The following KCNIP4 variants were observed in gnomAD, a reference collection of about 807,000 sequenced individuals.
KCNIP4 encodes Kv channel-interacting protein 4.
Under a neutral mutation model 34.0 loss-of-function variants are expected in KCNIP4, and 12 were observed. That is an observed-to-expected ratio of 0.35 (90% CI 0.23 to 0.57). The LOEUF (loss-of-function observed/expected upper bound fraction) is 0.57. Ranked by LOEUF, KCNIP4 falls within the 20% of genes least tolerant of loss-of-function variation. KCNIP4 has a pLI of 0.83. For synonymous variants in KCNIP4, 124 were observed against 102.2 expected, an observed-to-expected ratio of 1.21 and a Z score of -1.29; for missense variants, 238 against 311.7, an observed-to-expected ratio of 0.76 and a Z score of 1.78.
At chr4:20,994,562 C>T (rs115940761) in intron 1 of KCNIP4, among the ~76,000 whole-genome samples, 4,247 of 152,106 alleles carry the variant, frequency 0.028, 86 homozygotes, top group Non-Finnish European at 0.044. Context: ...ATGATCAGAC[C>T]GAGGGACACT....
rs546732757 is a variant in KCNIP4, at chr4:21,647,323, T to C, written c.61+301248A>G. Among the ~76,000 whole-genome samples, 145 of 152,240 alleles carry C rather than the reference T, an allele frequency of 9.5e-4. 1 individual carries two copies. The highest frequency in any genetic ancestry group is 3.4e-3 in the Middle Eastern group (1 of 294). On this transcript the variant is annotated intron_variant, in intron 1 of 8. Transcript: ENST00000382152. Reference sequence around the variant, plus strand: ...GGAAACTGATTACTACAATTTATCTTCCTAATAGCGAACTTGTCATAACAA... The same window carrying C: ...GGAAACTGATTACTACAATTTATCTCCCTAATAGCGAACTTGTCATAACAA...
chr4:21,758,169 T>C (rs544429436), intron 1 of KCNIP4, among the ~76,000 whole-genome samples: 13 of 152,304 alleles, frequency 8.5e-5, no homozygotes, highest in Non-Finnish European at 1.8e-4. Flanking sequence ...ATTAAAGTTT[T>C]GGGGTGCAAT....
In KCNIP4 at chr4:20,799,750, C is replaced by T. The variant is rs185391524; in HGVS notation, c.289-40860G>A. 3.3e-5 allele frequency among the ~76,000 whole-genome samples: 5 copies of T among 152,308 alleles called. No homozygotes were observed. In the East Asian group the frequency reaches 7.7e-4, roughly 24 times the overall value. ...CTCCACACTATGTGCTATCTCATCC[C>T]TCAGATCCTGAGCTGCTTCTATGTC... On this transcript the variant is annotated intron_variant, in intron 3 of 8. Transcript: ENST00000382152.
intron 1 of KCNIP4, among the ~76,000 whole-genome samples, chr4:21,297,418 A>G (rs774987284): frequency 4.6e-5 from 7 of 152,152 alleles, no homozygotes; most frequent in Non-Finnish European, 8.8e-5. Context: ...GCCAAAAAGC[A>G]ACTTCACTAT....
At chr4:20,798,551 A>G (rs1448622486) in intron 3 of KCNIP4, among the ~76,000 whole-genome samples, 1 of 151,866 alleles carries the variant, frequency 6.6e-6, no homozygotes, top group South Asian at 2.1e-4. Context: ...ACACACAAAA[A>G]AGCTATGAAT....
chr4:21,625,841 C>T (rs1745282244), intron 1 of KCNIP4, among the ~76,000 whole-genome samples: 1 of 152,078 alleles, frequency 6.6e-6, no homozygotes, highest in South Asian at 2.1e-4. Context: ...TGTTCAAATA[C>T]CAATTTATAA....
chr4:21,916,050 G>T (rs1445948040), intron 1 of KCNIP4, among the ~76,000 whole-genome samples: 1 of 152,174 alleles, frequency 6.6e-6, no homozygotes, highest in Non-Finnish European at 1.5e-5. Flanking sequence ...GGTATAATTC[G>T]CTGTGTCCTT....
In KCNIP4 at chr4:21,289,164, A is replaced by G. The variant is rs184099502; in HGVS notation, c.62-406455T>C. Among the ~76,000 whole-genome samples the G allele has an allele frequency of 1.1e-4, 16 of 152,256 alleles. No homozygotes were observed. In the East Asian group the frequency reaches 3.1e-3, roughly 29 times the overall value. On this transcript the variant is annotated intron_variant, in intron 1 of 8. Transcript: ENST00000382152. ...CATAGCATGTTTTTATTAATTTTTA[A>G]TTATTAAGGATACATAATGGGTGTA...
chr4:20,859,082 A>T (rs1349729393), intron 2 of KCNIP4, among the ~76,000 whole-genome samples: 1 of 152,204 alleles, frequency 6.6e-6, no homozygotes, highest in African/African-American at 2.4e-5. Flanking sequence ...CCAATGCCTC[A>T]ATTTCTTTCC....
intron 1 of KCNIP4, among the ~76,000 whole-genome samples, chr4:21,085,356 A>C (rs560207326): frequency 6.6e-6 from 1 of 152,276 alleles, no homozygotes; most frequent in African/African-American, 2.4e-5. Context: ...GTGAGAAATA[A>C]ATGTTGGTTG....
chr4:20,789,610 A>G (rs1366235317), intron 3 of KCNIP4, among the ~76,000 whole-genome samples: 1 of 152,058 alleles, frequency 6.6e-6, no homozygotes, highest in Non-Finnish European at 1.5e-5. Context: ...AATTGCTGCA[A>G]TCAAAGGCCT....
chr4:21,572,166 A>AT (rs1472070697), intron 1 of KCNIP4, among the ~76,000 whole-genome samples: 4 of 152,192 alleles, frequency 2.6e-5, no homozygotes, highest in African/African-American at 9.7e-5. Context: ...CTGTACACAG[A>AT]AGTACATCTA....
intron 1 of KCNIP4, among the ~76,000 whole-genome samples, chr4:21,379,759 A>G (rs17462325): frequency 0.21 from 31,198 of 152,164 alleles, 3,660 homozygotes; most frequent in Middle Eastern, 0.31. Flanking sequence ...CTGTTTTTCT[A>G]TATCTCTTTC....
chr4:21,724,088 T>C (rs973404944), intron 1 of KCNIP4, among the ~76,000 whole-genome samples: 1 of 152,102 alleles, frequency 6.6e-6, no homozygotes, highest in Non-Finnish European at 1.5e-5. Flanking sequence ...GAATAGAACC[T>C]ACATGAATGA....
intron 1 of KCNIP4, among the ~76,000 whole-genome samples, chr4:21,707,373 G>A (rs573003167): frequency 7.2e-5 from 11 of 152,250 alleles, no homozygotes; most frequent in Admixed American, 2.0e-4. Flanking sequence ...CTGGAGGGCC[G>A]AAGAAGTGAA....
intron 2 of KCNIP4, among the ~76,000 whole-genome samples, chr4:20,877,026 T>C (rs1343250155): frequency 6.6e-6 from 1 of 151,408 alleles, no homozygotes; most frequent in Non-Finnish European, 1.5e-5. Context: ...AGCCTCCTTC[T>C]TTCTAAATGC....
chr4:21,649,017 A>G (rs1747266367), intron 1 of KCNIP4, among the ~76,000 whole-genome samples: 1 of 152,128 alleles, frequency 6.6e-6, no homozygotes, highest in Non-Finnish European at 1.5e-5. Context: ...AACATTCTCA[A>G]TCAATTTAGT....
At chr4:21,405,889 G>A (rs368256472) in intron 1 of KCNIP4, among the ~76,000 whole-genome samples, 15 of 152,296 alleles carry the variant, frequency 9.8e-5, no homozygotes, top group East Asian at 3.9e-4. Context: ...ATGCTAGAGC[G>A]CAATGGCGCG....
chr4:21,681,072 T>C (rs1464687999), intron 1 of KCNIP4, among the ~76,000 whole-genome samples: 2 of 152,070 alleles, frequency 1.3e-5, no homozygotes, highest in African/African-American at 4.8e-5. Flanking sequence ...AATATAAATC[T>C]TTTTCTTTAT....
Sources: allele counts gnomAD v4.1 joint callset (sites outside exome capture counted in the v4.1 genomes callset), GRCh38; gene constraint gnomAD v4.1.1; transcripts MANE v1.5; gene names NCBI Gene and HGNC (gene_info 2026-07-23, HGNC 2026-07-21).